Variants in RRBP1 observed in about 807,000 individuals in gnomAD.
The protein encoded by RRBP1 is ribosome-binding protein 1.
RRBP1 carries 94 observed loss-of-function variants against 165.2 expected under a neutral mutation model. The ratio of observed to expected loss-of-function variants is 0.57; its 90% CI spans 0.48 to 0.68. The LOEUF (loss-of-function observed/expected upper bound fraction) is 0.68. RRBP1 is among the 30% of genes least tolerant of loss of function. The pLI, the probability that RRBP1 is intolerant of heterozygous loss-of-function variation, is 0.00. For missense variants in RRBP1, 1,676 were observed against 1,763.0 expected (o/e 0.95, Z 0.88); for synonymous variants, 680 against 714.5 (o/e 0.95, Z 0.77).
intron 22 of RRBP1, 133 bp downstream of exon 22, chr20:17,615,793 C>T: frequency 1.3e-6 from 1 of 794,318 alleles, no homozygotes; most frequent in Non-Finnish European, 2.0e-6. Context: ...CCACCCACTG[C>T]TGCCCAGAAG....
At position 17,613,916 on chromosome 20, in the gene RRBP1, G is replaced by A. The variant is rs1357322955; in HGVS notation, c.*266C>T. 2.2e-6 allele frequency: 1 copy of A among 448,922 alleles called. No individual in the cohort carries two copies. Among genetic ancestry groups the A allele is most frequent in the Non-Finnish European group, 4.0e-6 (1 of 248,072 alleles). 27.8% of individuals were successfully genotyped at this position (448,922 alleles called of 1,614,324 possible). A position where few individuals can be genotyped will look rare whatever the true frequency, so the allele number is the denominator to read the frequency against. The stretch of plus-strand genomic sequence containing the variant: ...CCCACACACCCACGGGGCTGTCAGA[G>A]TCAACCAGGGCTTTGGCGTCACTCG... On this transcript the variant is annotated 3_prime_UTR_variant, in exon 25 of 25. Coordinates refer to ENST00000377813, the MANE Select transcript of RRBP1 (RefSeq NM_001365613.2).
chr20:17,626,173 C>T (rs2036015213), intron 11 of RRBP1, among the ~76,000 whole-genome samples: 1 of 152,178 alleles, frequency 6.6e-6, no homozygotes, highest in African/African-American at 2.4e-5. Context: ...ATAAAAGCAC[C>T]AATTTCTGCC....
chr20:17,639,604 G>C (rs1213633602), intron 5 of RRBP1, among the ~76,000 whole-genome samples: 6 of 152,176 alleles, frequency 3.9e-5, no homozygotes, highest in Admixed American at 3.9e-4. Context: ...GTAAGAATGA[G>C]GTAAACAGGC....
At chr20:17,624,534 G>C (rs1352256016) in intron 13 of RRBP1, 42 bp downstream of exon 13, 1 of 1,351,164 alleles carries the variant, frequency 7.4e-7, no homozygotes. Flanking sequence ...GCATCCTAGT[G>C]CACTTTCCAT....
chr20:17,673,760 C>G (rs1037323311), intron 2 of RRBP1, among the ~76,000 whole-genome samples: 1 of 152,194 alleles, frequency 6.6e-6, no homozygotes, highest in Non-Finnish European at 1.5e-5. Flanking sequence ...CCAGATCTTC[C>G]AACTTAAGAG....
intron 3 of RRBP1, among the ~76,000 whole-genome samples, chr20:17,645,021 A>C (rs2036437167): frequency 6.6e-6 from 1 of 152,212 alleles, no homozygotes; most frequent in Admixed American, 6.5e-5. Context: ...TCCTTTCCAG[A>C]ACCAGGGACC....
chr20:17,646,517 G>A (rs531134795), intron 3 of RRBP1, among the ~76,000 whole-genome samples: 1 of 152,246 alleles, frequency 6.6e-6, no homozygotes, highest in East Asian at 1.9e-4. Context: ...CTGTTTCCTT[G>A]CCTACAAAAC....
intron 3 of RRBP1, among the ~76,000 whole-genome samples, chr20:17,656,972 G>C (rs946706455): frequency 6.6e-6 from 1 of 152,164 alleles, no homozygotes; most frequent in African/African-American, 2.4e-5. Flanking sequence ...CTGCAAATTA[G>C]AACAATTTTG....
At chr20:17,642,835 G>A (rs746633224) in intron 4 of RRBP1, 144 bp downstream of exon 4, 53 of 904,892 alleles carry the variant, frequency 5.9e-5, no homozygotes, top group South Asian at 1.5e-4. Context: ...ACCTGCGAGC[G>A]ATCCCTCGGG....
intron 2 of RRBP1, among the ~76,000 whole-genome samples, chr20:17,661,082 T>C (rs1209672854): frequency 6.6e-6 from 1 of 152,240 alleles, no homozygotes; most frequent in Non-Finnish European, 1.5e-5. Context: ...TTAAAAAATA[T>C]GTGAACCGAA....
chr20:17,658,675 A>G lies in RRBP1; in HGVS notation c.1833T>C (p.Asp611=). The G allele has an allele frequency of 6.2e-7, 1 of 1,614,108 alleles. No individual in the cohort carries two copies. The highest frequency in any genetic ancestry group is 1.3e-5 in the African/African-American group (1 of 75,008). ...TTGGTGCCTCTGGGCTCTGGGCCAC[A>G]TCTGTATTTCTGCCCTGGACAGAAG... ...ESASVQGRNT[D]VAQSPEAPKQ... The change falls in exon 3 of 25, where the codon GAT becomes GAC. Residue 611 remains aspartate, a synonymous_variant. Transcript: ENST00000377813.
intron 2 of RRBP1, among the ~76,000 whole-genome samples, chr20:17,669,104 T>C (rs908328780): frequency 4.6e-5 from 7 of 152,194 alleles, no homozygotes; most frequent in African/African-American, 1.7e-4. Context: ...ATACATATAA[T>C]GGACTCCCTA....
intron 2 of RRBP1, among the ~76,000 whole-genome samples, chr20:17,670,697 T>A (rs1406145433): frequency 6.6e-6 from 1 of 152,260 alleles, no homozygotes; most frequent in Non-Finnish European, 1.5e-5. Context: ...TCCAAGAATA[T>A]CCTTGAGAAG....
intron 19 of RRBP1, chr20:17,619,371 G>A (rs944189210): frequency 7.6e-6 from 3 of 395,124 alleles, no homozygotes; most frequent in Middle Eastern, 6.7e-4. Context: ...AACCTAGAAC[G>A]TCAAACGCCT....
intron 3 of RRBP1, among the ~76,000 whole-genome samples, chr20:17,653,863 T>C (rs1247503416): frequency 2.0e-5 from 3 of 147,680 alleles, no homozygotes; most frequent in African/African-American, 7.4e-5. Context: ...AACAGCCTCC[T>C]GGTCCCAAGG....
intron 2 of RRBP1, among the ~76,000 whole-genome samples, chr20:17,677,792 T>G (rs1433458039): frequency 6.6e-6 from 1 of 151,314 alleles, no homozygotes; most frequent in Non-Finnish European, 1.5e-5. Flanking sequence ...TAAACCAAGA[T>G]CACGCCATTG....
At position 17,658,928 on chromosome 20, in the gene RRBP1, C is replaced by G. The variant is rs2036696277; in HGVS notation, c.1580G>C (p.Gly527Ala). ...GTTGGGACTCCTTTCTGCCTTTTTGCCCTGAGCCCCTTCTGTCTTTTTACC... is the reference window on the plus strand; with the variant it reads ...GTTGGGACTCCTTTCTGCCTTTTTGGCCTGAGCCCCTTCTGTCTTTTTACC... The part of the protein sequence containing the change: ...NQGKKTEGAQ[G>A]KKAERSPNQG... The change falls in exon 3 of 25, where the codon GGC becomes GCC. Residue 527 changes from glycine (G) to alanine (A), a missense_variant. Transcript: ENST00000377813. The G allele has an allele frequency of 6.2e-7, 1 of 1,613,088 alleles. No homozygotes were observed. The highest frequency in any genetic ancestry group is 1.3e-5 in the African/African-American group (1 of 75,046).
intron 3 of RRBP1, among the ~76,000 whole-genome samples, chr20:17,648,621 G>C (rs2036505614): frequency 6.6e-6 from 1 of 152,240 alleles, no homozygotes; most frequent in African/African-American, 2.4e-5. Context: ...TTTAGTTGGA[G>C]AAAAACGTAA....
intron 1 of RRBP1, among the ~76,000 whole-genome samples, chr20:17,680,934 C>A (rs1393969021): frequency 6.6e-6 from 1 of 152,144 alleles, no homozygotes; most frequent in Non-Finnish European, 1.5e-5. Context: ...AGACCCCGAA[C>A]GAAACAACTT....
Sources: gnomAD v4.1 joint callset for allele counts (sites outside exome capture counted in the v4.1 genomes callset) on GRCh38, gnomAD v4.1.1 for gene constraint, MANE v1.5 for transcripts, NCBI Gene and HGNC (gene_info 2026-07-23, HGNC 2026-07-21) for gene names.